Variants in GATAD1 observed in about 807,000 individuals in gnomAD.
GATAD1 encodes the protein GATA zinc finger domain-containing protein 1.
A neutral mutation model predicts 26.5 loss-of-function variants in GATAD1; 12 were observed. That is an observed-to-expected ratio of 0.45 (90% CI 0.29 to 0.73). GATAD1 has a LOEUF of 0.73. Among genes scored for constraint, GATAD1 ranks in the 30% least tolerant of loss-of-function variants. The pLI is 0.10. For synonymous variants in GATAD1, 129 were observed against 133.1 expected (o/e 0.97, Z 0.21); for missense variants, 266 against 342.1 (o/e 0.78, Z 1.75).
At chr7:92,467,347 T>A in the GATAD1 span, among the ~76,000 whole-genome samples, 4,770 of 152,220 alleles carry the variant, frequency 0.031, 102 homozygotes, top group Non-Finnish European at 0.042. Context: ...TATATATATT[T>A]CAAAGAGACT....
chr7:92,449,191 A>AT, intron 2 of GATAD1: 7 of 1,028,764 alleles, frequency 6.8e-6, no homozygotes, highest in Non-Finnish European at 8.2e-6. Context: ...AAGAGGAGAG[A>AT]TTATGGTTCT....
chr7:92,493,288 T>C, the GATAD1 span: 1 of 471,128 alleles, frequency 2.1e-6, no homozygotes, highest in Non-Finnish European at 3.6e-6. Flanking sequence ...TTTATCTTCC[T>C]TGGAATTTTT....
the GATAD1 span, chr7:92,489,467 T>TA: frequency 8.4e-4 from 1,289 of 1,538,574 alleles, 5 homozygotes; most frequent in African/African-American, 0.011. Flanking sequence ...ATTAAGGATG[T>TA]AAAAAAAAAT....
At chr7:92,467,674 G>A in the GATAD1 span, among the ~76,000 whole-genome samples, 3 of 152,254 alleles carry the variant, frequency 2.0e-5, no homozygotes, top group Admixed American at 2.0e-4. Flanking sequence ...GGCTCCCTTA[G>A]GAGAGCAGAC....
chr7:92,474,808 A>G, the GATAD1 span: 1 of 152,046 alleles, frequency 6.6e-6, no homozygotes, highest in Admixed American at 6.6e-5. Context: ...GTCTGTTTTT[A>G]TTTGCTTTAA....
the GATAD1 span, chr7:92,468,801 T>C: frequency 3.9e-5 from 30 of 760,370 alleles, no homozygotes; most frequent in Non-Finnish European, 6.3e-5. Flanking sequence ...GTAGTAGAGG[T>C]TGTGCAGCTG....
At chr7:92,449,742 A>G in intron 2 of GATAD1, 2 of 350,998 alleles carry the variant, frequency 5.7e-6, no homozygotes, top group Middle Eastern at 1.5e-3. Context: ...ATACATGTGC[A>G]GAATGTGCAG....
chr7:92,483,328 G>A, the GATAD1 span, among the ~76,000 whole-genome samples: 2 of 152,196 alleles, frequency 1.3e-5, no homozygotes, highest in Non-Finnish European at 2.9e-5. Context: ...CTTGTTTGCT[G>A]GAGATGTGGC....
chr7:92,486,243 G>C, the GATAD1 span, among the ~76,000 whole-genome samples: 3 of 152,328 alleles, frequency 2.0e-5, no homozygotes, highest in South Asian at 6.2e-4. Context: ...GATTACATCT[G>C]ATCCTCTTCT....
the GATAD1 span, chr7:92,489,174 G>C: frequency 1.1e-6 from 1 of 944,284 alleles, no homozygotes; most frequent in Non-Finnish European, 1.6e-6. Context: ...CATATTTTTT[G>C]AATTAGCTTT....
chr7:92,464,574 G>A (rs1585181550), downstream of GATAD1, among the ~76,000 whole-genome samples: 1 of 152,250 alleles, frequency 6.6e-6, no homozygotes, highest in Non-Finnish European at 1.5e-5. Flanking sequence ...ACAAATATCC[G>A]AAGCCTAGAA....
intron 3 of GATAD1, among the ~76,000 whole-genome samples, chr7:92,451,725 A>G (rs906657802): frequency 6.6e-6 from 1 of 152,246 alleles, no homozygotes; most frequent in African/African-American, 2.4e-5. Flanking sequence ...TAAAATATCT[A>G]AAGTTTAGCA....
the GATAD1 span, chr7:92,489,341 T>C: frequency 6.2e-7 from 1 of 1,613,316 alleles, no homozygotes; most frequent in Non-Finnish European, 8.5e-7. Context: ...TGGTCTTGTG[T>C]GACCAAGTGC....
chr7:92,447,926 C>A lies in GATAD1; in HGVS notation c.197C>A (p.Ala66Asp). ...GGCGGCTTCGGCGCGGCGACCTTCG[C>A]CAGCACCTCCGCCACCCCTCCGCAG... ...GGGGFGAATF[A>D]STSATPPQSN... Residue 66 changes from alanine to aspartate, a missense_variant, in exon 1 of 5, where the codon GCC becomes GAC. Ala to Asp is a moderately radical substitution (Grantham distance 126). Transcript: ENST00000287957. 1 of 1,246,350 alleles carries A rather than the reference C, an allele frequency of 8.0e-7. No homozygotes were observed. Among genetic ancestry groups the A allele is most frequent in the Non-Finnish European group, 1.0e-6 (1 of 997,684 alleles). 77.2% of individuals were successfully genotyped at this position (1,246,350 alleles called of 1,614,324 possible). A position where few individuals can be genotyped will look rare whatever the true frequency, so the allele number is the denominator to read the frequency against.
chr7:92,482,011 G>A, the GATAD1 span, among the ~76,000 whole-genome samples: 2 of 152,328 alleles, frequency 1.3e-5, no homozygotes, highest in Non-Finnish European at 2.9e-5. Context: ...GAGCAGGAGG[G>A]TGTCTTGTTG....
At chr7:92,489,915 C>T in the GATAD1 span, 1 of 1,611,878 alleles carries the variant, frequency 6.2e-7, no homozygotes, top group African/African-American at 1.3e-5. Flanking sequence ...GTGAGCTCTG[C>T]ATGGTAAATT....
chr7:92,493,220 A>C, the GATAD1 span: 1 of 737,700 alleles, frequency 1.4e-6, no homozygotes, highest in Non-Finnish European at 2.2e-6. Context: ...TCATAAATTA[A>C]CCTTATATAT....
the GATAD1 span, chr7:92,491,128 TAA>T: frequency 1.6e-6 from 1 of 644,894 alleles, no homozygotes; most frequent in Admixed American, 2.5e-5. Flanking sequence ...CCAATTAGTG[TAA>T]GCAAGAAACA....
the GATAD1 span, chr7:92,489,914 G>C: frequency 6.2e-7 from 1 of 1,612,116 alleles, no homozygotes; most frequent in African/African-American, 1.3e-5. Flanking sequence ...TGTGAGCTCT[G>C]CATGGTAAAT....
Sources: allele counts gnomAD v4.1 joint callset (sites outside exome capture counted in the v4.1 genomes callset), GRCh38; gene constraint gnomAD v4.1.1; transcripts MANE v1.5; gene names NCBI Gene and HGNC (gene_info 2026-07-23, HGNC 2026-07-21).